The following FGF14 variants were observed in gnomAD, a reference collection of about 807,000 sequenced individuals.
FGF14 encodes the protein fibroblast growth factor 14.
Under a neutral mutation model 25.5 loss-of-function variants are expected in FGF14, and 5 were observed. The observed-to-expected ratio is 0.20, with a 90% CI of 0.10 to 0.41. FGF14 has a LOEUF of 0.41. FGF14 is among the 10% of genes least tolerant of loss of function. The pLI is 1.00. For missense variants in FGF14, 222 were observed against 320.1 expected, an observed-to-expected ratio of 0.69 and a Z score of 2.34; for synonymous variants, 138 against 118.3, an observed-to-expected ratio of 1.17 and a Z score of -1.08.
intron 1 of FGF14, among the ~76,000 whole-genome samples, chr13:102,017,910 T>C (rs1025716856): frequency 6.6e-6 from 1 of 152,140 alleles, no homozygotes; most frequent in Non-Finnish European, 1.5e-5. Context: ...TCAGATCATC[T>C]ACTGAATTTT....
intron 1 of FGF14, among the ~76,000 whole-genome samples, chr13:102,167,667 T>C (rs2048073694): frequency 6.6e-6 from 1 of 152,134 alleles, no homozygotes; most frequent in Non-Finnish European, 1.5e-5. Flanking sequence ...GAAAAGTAAG[T>C]AATAACACTG....
intron 1 of FGF14, among the ~76,000 whole-genome samples, chr13:101,887,610 G>A (rs1594613803): frequency 6.6e-6 from 1 of 151,998 alleles, no homozygotes; most frequent in African/African-American, 2.4e-5. Context: ...AATGAAGAAA[G>A]GTTGTTTAAT....
In FGF14 at chr13:101,715,625, G is replaced by C. The variant is rs144243522; in HGVS notation, c.*7206C>G. ...GGATGGATGGAATGGAAATGCATGT[G>C]AAATCTGGCTTGGCTCAGAATATCC... On this transcript the variant is annotated 3_prime_UTR_variant, in exon 5 of 5. Coordinates refer to ENST00000376143, the MANE Select transcript of FGF14 (RefSeq NM_004115.4). 51 of 1,612,914 alleles carry C rather than the reference G, an allele frequency of 3.2e-5. No homozygotes were observed. Among genetic ancestry groups the C allele is most frequent in the Non-Finnish European group, 4.2e-5 (50 of 1,179,152 alleles).
chr13:101,997,953 C>T (rs979185642), intron 1 of FGF14, among the ~76,000 whole-genome samples: 12 of 152,114 alleles, frequency 7.9e-5, no homozygotes, highest in African/African-American at 2.9e-4. Context: ...ACAGTTACTA[C>T]AGTGAAGCAA....
intron 1 of FGF14, among the ~76,000 whole-genome samples, chr13:102,306,684 C>A (rs913307603): frequency 6.6e-6 from 1 of 151,980 alleles, no homozygotes; most frequent in African/African-American, 2.4e-5. Context: ...GCCCATAAGG[C>A]CAAAAGAATG....
intron 1 of FGF14, among the ~76,000 whole-genome samples, chr13:102,206,726 T>C (rs770551983): frequency 3.9e-5 from 6 of 152,066 alleles, no homozygotes; most frequent in Non-Finnish European, 5.9e-5. Context: ...TTGAAGGTGT[T>C]TGCAGAAACA....
intron 1 of FGF14, among the ~76,000 whole-genome samples, chr13:102,382,277 C>A (rs544213411): frequency 6.6e-6 from 1 of 152,084 alleles, no homozygotes; most frequent in East Asian, 1.9e-4. Flanking sequence ...AGAGCTCTTA[C>A]AACTCAAAAA....
chr13:102,167,093 G>C (rs918948054), intron 1 of FGF14, among the ~76,000 whole-genome samples: 2 of 151,994 alleles, frequency 1.3e-5, no homozygotes, highest in African/African-American at 4.8e-5. Flanking sequence ...CTGAGGTCAG[G>C]AGTTCGAGAC....
chr13:102,276,769 T>A (rs957453319), intron 1 of FGF14, among the ~76,000 whole-genome samples: 1 of 152,184 alleles, frequency 6.6e-6, no homozygotes, highest in Non-Finnish European at 1.5e-5. Context: ...AGGAATGATA[T>A]GTTTAGTTAC....
At chr13:101,887,772 G>A (rs2138860872) in intron 1 of FGF14, among the ~76,000 whole-genome samples, 1 of 152,278 alleles carries the variant, frequency 6.6e-6, no homozygotes, top group South Asian at 2.1e-4. Context: ...ATAAATGTTT[G>A]AGGCAATGGA....
chr13:102,190,563 G>C (rs1390431203), intron 1 of FGF14, among the ~76,000 whole-genome samples: 1 of 152,158 alleles, frequency 6.6e-6, no homozygotes, highest in Non-Finnish European at 1.5e-5. Context: ...TGAACAATTA[G>C]GGGTCATCCT....
At chr13:101,752,326 T>C (rs1303763085) in intron 3 of FGF14, among the ~76,000 whole-genome samples, 1 of 152,208 alleles carries the variant, frequency 6.6e-6, no homozygotes, top group Non-Finnish European at 1.5e-5. Flanking sequence ...TAATGCACTG[T>C]TGACCAGAGA....
At position 101,916,515 on chromosome 13, in the gene FGF14, A is replaced by C; in HGVS notation, c.131T>G (p.Leu44Arg). Reference protein sequence around the residue: ...SKNRGLCNGNLVDIFSKVRIF... With the variant: ...SKNRGLCNGNRVDIFSKVRIF... ...GCGCACTTTGGAGAAGATATCCACC[A>C]GGTTGCCGTTGCAGAGCCCGCGGTT... The change falls in exon 1 of 5, where the codon CTG (leucine) becomes CGG (arginine). Residue 44 changes from leucine to arginine, a missense_variant. Around this residue, in one of 5 missense-constraint regions of FGF14, gnomAD observed 80 missense variants for 72.2 expected, o/e 1.11. Coordinates refer to ENST00000376143, the MANE Select transcript of FGF14 (RefSeq NM_004115.4). 3 of 1,613,866 alleles carry C rather than the reference A, an allele frequency of 1.9e-6. No homozygotes were observed. The highest frequency in any genetic ancestry group is 2.5e-6 in the Non-Finnish European group (3 of 1,179,932).
intron 1 of FGF14, among the ~76,000 whole-genome samples, chr13:102,242,264 A>G (rs2051640265): frequency 6.6e-6 from 1 of 152,200 alleles, no homozygotes; most frequent in South Asian, 2.1e-4. Flanking sequence ...AGGTGTAAAT[A>G]TGACAAAAAG....
intron 2 of FGF14, among the ~76,000 whole-genome samples, chr13:101,874,284 T>C (rs2045276537): frequency 6.6e-6 from 1 of 152,138 alleles, no homozygotes; most frequent in Non-Finnish European, 1.5e-5. Context: ...CTCACTTCTT[T>C]TCATGGAATG....
At chr13:101,879,602 A>G (rs902691894) in intron 1 of FGF14, among the ~76,000 whole-genome samples, 32 of 152,202 alleles carry the variant, frequency 2.1e-4, no homozygotes, top group Admixed American at 1.9e-3. Flanking sequence ...TATGATTTAA[A>G]TGGAAAAATG....
In FGF14 at chr13:102,378,587, A is replaced by G. The variant is rs1033690113; in HGVS notation, c.208+22884T>C. ...CTAGGTTTTACATTAAGTATGTTAT[A>G]TATATCTATATCTATCTATCTATCT... is the stretch of plus-strand genomic sequence containing the variant. On this transcript the variant is annotated intron_variant, in intron 1 of 4. Transcript: ENST00000376131. Among the ~76,000 whole-genome samples, 5 of 143,964 alleles carry G rather than the reference A, an allele frequency of 3.5e-5. No individual in the cohort carries two copies. In the Admixed American group the frequency reaches 3.6e-4, roughly 10 times the overall value. The allele number at this position is 143,964 out of a possible 152,430, so 94.4% of individuals were successfully genotyped here. A position where few individuals can be genotyped will look rare whatever the true frequency, so the allele number is the denominator to read the frequency against.
chr13:101,927,623 C>CCAG (rs988142462), intron 1 of FGF14, among the ~76,000 whole-genome samples: 3 of 152,300 alleles, frequency 2.0e-5, no homozygotes, highest in Admixed American at 2.0e-4. Flanking sequence ...ACTCTAATTC[C>CCAG]CAGCTCTTTG....
intron 1 of FGF14, among the ~76,000 whole-genome samples, chr13:102,250,707 G>A (rs1374201491): frequency 6.6e-6 from 1 of 152,172 alleles, no homozygotes; most frequent in Non-Finnish European, 1.5e-5. Context: ...ATTTGTTTCA[G>A]AGAATGCTGA....
Sources: allele counts gnomAD v4.1 joint callset (sites outside exome capture counted in the v4.1 genomes callset), GRCh38; gene constraint gnomAD v4.1.1; regional missense constraint gnomAD v4.1.1; transcripts MANE v1.5; gene names NCBI Gene and HGNC (gene_info 2026-07-23, HGNC 2026-07-21).